The following STPG2 variants were observed in gnomAD, a reference collection of about 807,000 sequenced individuals.
The protein encoded by STPG2 is sperm tail PG-rich repeat containing 2.
Under a neutral mutation model 54.2 loss-of-function variants are expected in STPG2, and 56 were observed. That is an observed-to-expected ratio of 1.03 (90% confidence interval 0.83 to 1.29). The LOEUF (loss-of-function observed/expected upper bound fraction) is 1.29. Among genes scored for constraint, STPG2 ranks in the 50% most tolerant of loss-of-function variants. STPG2 has a pLI of 0.00. For synonymous variants in STPG2, 200 were observed against 181.8 expected (o/e 1.10, Z -0.81); for missense variants, 596 against 544.9 (o/e 1.09, Z -0.93).
At position 98,105,969 on chromosome 4, in the gene STPG2, A is replaced by C. The variant is rs1326162720; in HGVS notation, c.596T>G (p.Leu199Trp). 2 of 1,569,558 alleles carry C rather than the reference A, an allele frequency of 1.3e-6. No individual in the cohort carries two copies. Among genetic ancestry groups the C allele is most frequent in the Non-Finnish European group, 1.7e-6 (2 of 1,146,818 alleles). ...FIPRLYEIIV[L>W]QEKKKRFLPM... ...TCAACTTACCTTTTTTTTCTCCTGC[A>C]ATACTATTATTTCATATAGTCGTGG... The change falls in exon 5 of 11, where the codon TTG (leucine) becomes TGG (tryptophan). Residue 199 changes from leucine to tryptophan, a missense_variant. Coordinates refer to ENST00000295268, the MANE Select transcript of STPG2 (RefSeq NM_174952.3).
chr4:98,065,964 G>T (rs1411842001), intron 5 of STPG2, among the ~76,000 whole-genome samples: 1 of 151,522 alleles, frequency 6.6e-6, no homozygotes, highest in Admixed American at 6.6e-5. Flanking sequence ...AATTAAGTAG[G>T]AAAATACATA....
At chr4:98,084,494 C>T (rs1489750983) in intron 5 of STPG2, among the ~76,000 whole-genome samples, 1 of 152,100 alleles carries the variant, frequency 6.6e-6, no homozygotes, top group Non-Finnish European at 1.5e-5. Flanking sequence ...AATTGTGGTA[C>T]CACACAGTAT....
chr4:97,954,660 A>G (rs1204289443), intron 7 of STPG2, among the ~76,000 whole-genome samples: 5 of 152,270 alleles, frequency 3.3e-5, no homozygotes, highest in African/African-American at 1.2e-4. Context: ...AGGTAAATTA[A>G]GTAATGGCAA....
intron 8 of STPG2, among the ~76,000 whole-genome samples, chr4:97,854,025 C>A (rs1729251905): frequency 6.6e-6 from 1 of 152,084 alleles, no homozygotes; most frequent in African/African-American, 2.4e-5. Flanking sequence ...AACGTCTCAT[C>A]ATCTTCCCCA....
At chr4:97,751,375 C>T (rs1172591040) in intron 9 of STPG2, among the ~76,000 whole-genome samples, 1 of 151,850 alleles carries the variant, frequency 6.6e-6, no homozygotes, top group African/African-American at 2.4e-5. Flanking sequence ...ATTGAAATTG[C>T]TCTTGGGAAC....
chr4:97,677,743 C>A, intron 10 of STPG2, among the ~76,000 whole-genome samples: 1 of 152,202 alleles, frequency 6.6e-6, no homozygotes, highest in Non-Finnish European at 1.5e-5. Flanking sequence ...AGACACATGG[C>A]CAGGCTTCCT....
intron 9 of STPG2, among the ~76,000 whole-genome samples, chr4:97,773,703 T>C (rs1726286471): frequency 6.6e-6 from 1 of 152,174 alleles, no homozygotes; most frequent in South Asian, 2.1e-4. Context: ...AAAGTTCAAC[T>C]AAAAAGCCAA....
intron 7 of STPG2, among the ~76,000 whole-genome samples, chr4:97,952,462 C>T (rs1029311286): frequency 8.5e-5 from 13 of 152,130 alleles, no homozygotes; most frequent in African/African-American, 2.7e-4. Context: ...TCCCATGGAG[C>T]GTCCCCTTAA....
intron 9 of STPG2, among the ~76,000 whole-genome samples, chr4:97,786,224 T>C (rs1195373709): frequency 6.6e-6 from 1 of 151,984 alleles, no homozygotes; most frequent in Non-Finnish European, 1.5e-5. Flanking sequence ...TACCAGGATT[T>C]GGATTCAAAT....
intron 4 of STPG2, among the ~76,000 whole-genome samples, chr4:97,469,050 T>G (rs1729859893): frequency 6.6e-6 from 1 of 152,088 alleles, no homozygotes; most frequent in African/African-American, 2.4e-5. Flanking sequence ...TTGAATTAGC[T>G]GCCACTTTTC....
At chr4:97,938,284 G>A (rs999570328) in intron 8 of STPG2, among the ~76,000 whole-genome samples, 1 of 152,224 alleles carries the variant, frequency 6.6e-6, no homozygotes, top group Non-Finnish European at 1.5e-5. Context: ...GATGGCTGCT[G>A]CCCAGCACCC....
chr4:97,935,654 T>C (rs1204233067), intron 8 of STPG2, among the ~76,000 whole-genome samples: 3 of 152,154 alleles, frequency 2.0e-5, no homozygotes, highest in Admixed American at 6.6e-5. Context: ...GAATCATACA[T>C]GAGCAGGATG....
intron 8 of STPG2, among the ~76,000 whole-genome samples, chr4:97,877,869 T>C (rs1730235204): frequency 6.6e-6 from 1 of 152,142 alleles, no homozygotes; most frequent in South Asian, 2.1e-4. Context: ...CAAAGTCTCA[T>C]CTGAGACAAG....
At chr4:98,017,799 G>A (rs1054734396) in intron 5 of STPG2, among the ~76,000 whole-genome samples, 2 of 152,068 alleles carry the variant, frequency 1.3e-5, no homozygotes, top group African/African-American at 4.8e-5. Context: ...TTTCCCCCAT[G>A]CTATTCTCAT....
At chr4:97,727,913 T>G (rs1432573808) in intron 9 of STPG2, among the ~76,000 whole-genome samples, 2 of 151,990 alleles carry the variant, frequency 1.3e-5, no homozygotes, top group Non-Finnish European at 2.9e-5. Context: ...TTTTTTCTAC[T>G]GTTATTAAAA....
intron 8 of STPG2, among the ~76,000 whole-genome samples, chr4:97,863,025 C>T (rs952879709): frequency 6.6e-6 from 1 of 151,914 alleles, no homozygotes; most frequent in African/African-American, 2.4e-5. Flanking sequence ...CCTAACATCA[C>T]AATTAAAAGA....
chr4:98,012,542 G>A (rs1206757941), intron 5 of STPG2, among the ~76,000 whole-genome samples: 1 of 152,154 alleles, frequency 6.6e-6, no homozygotes. Flanking sequence ...ACTTTGGGCA[G>A]TATGGCCATT....
chr4:97,855,739 C>A (rs1469983349), intron 8 of STPG2, among the ~76,000 whole-genome samples: 1 of 152,110 alleles, frequency 6.6e-6, no homozygotes, highest in Admixed American at 6.6e-5. Context: ...AAATCTTTGT[C>A]CATGCCTGTG....
At chr4:97,486,829 G>GTATA (rs1290804763) in intron 4 of STPG2, among the ~76,000 whole-genome samples, 1,453 of 90,210 alleles carry the variant, frequency 0.016, 22 homozygotes, top group African/African-American at 0.043. Flanking sequence ...GTGTGTGTGT[G>GTATA]TATATATATA....
Sources: allele counts gnomAD v4.1 joint callset (sites outside exome capture counted in the v4.1 genomes callset), GRCh38; gene constraint gnomAD v4.1.1; transcripts MANE v1.5; gene names NCBI Gene and HGNC (gene_info 2026-07-23, HGNC 2026-07-21).